FOXP1: variants seen among roughly 807,000 people sequenced by gnomAD.
The protein encoded by FOXP1 is forkhead box P1, also known as forkhead box protein P1.
In FOXP1, 15 loss-of-function variants were observed where a neutral mutation model predicts 98.2. The observed-to-expected ratio is 0.15, with a 90% CI of 0.10 to 0.24. FOXP1 has a LOEUF of 0.24. Ranked by LOEUF, FOXP1 falls within the 10% of genes least tolerant of loss-of-function variation. The probability of loss-of-function intolerance (pLI) is 1.00; values close to 1 mark genes in which losing one functional copy is unlikely to be tolerated. For synonymous variants in FOXP1, 371 were observed against 314.5 expected, an observed-to-expected ratio of 1.18 and a Z score of -1.90; for missense variants, 633 against 848.5, an observed-to-expected ratio of 0.75 and a Z score of 3.15.
intron 12 of FOXP1, among the ~76,000 whole-genome samples, chr3:71,007,471 A>G (rs549439599): frequency 6.6e-6 from 1 of 152,292 alleles, no homozygotes; most frequent in African/African-American, 2.4e-5. Context: ...ATGTATTAGC[A>G]TATACCTGGT....
rs2067178883 is a variant in FOXP1, at chr3:71,240,600, TGG to T, written c.-11-42210_-11-42209del. On this transcript the variant is annotated intron_variant, in intron 5 of 20. Transcript: ENST00000649528. Reference sequence around the variant, plus strand: ...CTCTGTCACCCAGGCTGGAGTGTAGTGGCGCGATCTCGGCTTACTGCAACCTC... The same window carrying T: ...CTCTGTCACCCAGGCTGGAGTGTAGTCGCGATCTCGGCTTACTGCAACCTC... Among the ~76,000 whole-genome samples, 4 of 152,188 alleles carry T rather than the reference TGG, an allele frequency of 2.6e-5. No individual in the cohort carries two copies. In the South Asian group the frequency reaches 8.3e-4, roughly 32 times the overall value.
chr3:71,349,684 A>G (rs1333965850), intron 4 of FOXP1, among the ~76,000 whole-genome samples: 1 of 152,230 alleles, frequency 6.6e-6, no homozygotes, highest in East Asian at 1.9e-4. Flanking sequence ...AAACATTTAT[A>G]TCAAGTAGCT....
Position 71,015,139 on chromosome 3 carries a change from T to TA in FOXP1, c.974+409dup, listed in dbSNP as rs990094602. On this transcript the variant is annotated intron_variant, in intron 12 of 20. Transcript: ENST00000649528. Reference sequence around the variant, plus strand: ...GTACCCTAGAACTTAAAGTATAATTTAAAAAAAAAAAGAAGATGACACCTC... The same window carrying TA: ...GTACCCTAGAACTTAAAGTATAATTTAAAAAAAAAAAAGAAGATGACACCTC... Among the ~76,000 whole-genome samples the TA allele has an allele frequency of 7.2e-3, 1,038 of 143,362 alleles. 9 individuals carry two copies. Among genetic ancestry groups the TA allele is most frequent in the African/African-American group, 0.024 (936 of 39,092 alleles). 94.1% of individuals were successfully genotyped at this position (143,362 alleles called of 152,430 possible).
intron 2 of FOXP1, among the ~76,000 whole-genome samples, chr3:71,533,439 T>A (rs2044025074): frequency 6.6e-6 from 1 of 152,232 alleles, no homozygotes; most frequent in Non-Finnish European, 1.5e-5. Context: ...TACTTTATTG[T>A]CAGAATACAG....
At chr3:70,990,974 C>T (rs2040509312) in intron 13 of FOXP1, among the ~76,000 whole-genome samples, 1 of 151,940 alleles carries the variant, frequency 6.6e-6, no homozygotes, top group South Asian at 2.1e-4. Context: ...AAGGGGTGTT[C>T]TGAAGATCAG....
intron 2 of FOXP1, among the ~76,000 whole-genome samples, chr3:71,577,812 T>C (rs543793847): frequency 6.6e-6 from 1 of 151,704 alleles, no homozygotes; most frequent in South Asian, 2.1e-4. Flanking sequence ...CCCCTGCAAA[T>C]AGTAAAAGTA....
chr3:71,074,876 T>G (rs566949713), intron 7 of FOXP1, among the ~76,000 whole-genome samples: 2 of 152,320 alleles, frequency 1.3e-5, no homozygotes, highest in South Asian at 4.1e-4. Context: ...ATGCATTCTT[T>G]TTGAGTTACT....
At chr3:71,092,189 C>A (rs2055937976) in intron 7 of FOXP1, among the ~76,000 whole-genome samples, 1 of 142,494 alleles carries the variant, frequency 7.0e-6, no homozygotes, top group African/African-American at 2.6e-5. Context: ...GACTCTGTCT[C>A]AGAAAAAAAA....
At chr3:71,310,684 G>A (rs1331922548) in intron 4 of FOXP1, among the ~76,000 whole-genome samples, 1 of 152,208 alleles carries the variant, frequency 6.6e-6, no homozygotes, top group Non-Finnish European at 1.5e-5. Context: ...TCTTCTGGGC[G>A]TTTCTGCCCA....
At chr3:71,112,210 C>T (rs2057998714) in intron 7 of FOXP1, among the ~76,000 whole-genome samples, 1 of 152,058 alleles carries the variant, frequency 6.6e-6, no homozygotes, top group South Asian at 2.1e-4. Context: ...CATTTCTAGA[C>T]CCAACATAAG....
chr3:71,354,989 A>G (rs1199957260), intron 4 of FOXP1, among the ~76,000 whole-genome samples: 1 of 152,240 alleles, frequency 6.6e-6, no homozygotes, highest in Admixed American at 6.5e-5. Context: ...AATATCCTTC[A>G]GGCTCAAGTG....
chr3:71,520,762 A>G (rs77339587), intron 2 of FOXP1, among the ~76,000 whole-genome samples: 1 of 152,358 alleles, frequency 6.6e-6, no homozygotes, highest in Non-Finnish European at 1.5e-5. Context: ...GTTGGCATTG[A>G]CAAGTCAATT....
At chr3:70,989,808 G>A (rs576144211) in intron 13 of FOXP1, among the ~76,000 whole-genome samples, 98 of 152,170 alleles carry the variant, frequency 6.4e-4, no homozygotes, top group African/African-American at 2.2e-3. Context: ...TTAATTTGGG[G>A]GTAAACGTTG....
At chr3:71,129,536 T>C (rs1366764510) in intron 6 of FOXP1, among the ~76,000 whole-genome samples, 1 of 152,082 alleles carries the variant, frequency 6.6e-6, no homozygotes, top group Non-Finnish European at 1.5e-5. Context: ...TCTCTTAAGA[T>C]CAAAAGAGCT....
intron 2 of FOXP1, among the ~76,000 whole-genome samples, chr3:71,502,039 G>A (rs548874389): frequency 1.0e-3 from 157 of 152,312 alleles, no homozygotes; most frequent in African/African-American, 3.7e-3. Flanking sequence ...AGGCTCTTTT[G>A]GGGAGCCAGG....
chr3:71,449,375 TAAAAG>T (rs1414203120), intron 3 of FOXP1, among the ~76,000 whole-genome samples: 6 of 152,164 alleles, frequency 3.9e-5, no homozygotes, highest in Admixed American at 1.3e-4. Context: ...AATCCGGTGT[TAAAAG>T]AAGTGAAATG....
chr3:71,444,772 A>G (rs2086260810), intron 3 of FOXP1, among the ~76,000 whole-genome samples: 1 of 152,108 alleles, frequency 6.6e-6, no homozygotes, highest in Non-Finnish European at 1.5e-5. Flanking sequence ...TACATCAGAT[A>G]AGAAGCCAAA....
intron 10 of FOXP1, among the ~76,000 whole-genome samples, chr3:71,042,880 C>T (rs2048534489): frequency 6.6e-6 from 1 of 152,134 alleles, no homozygotes; most frequent in South Asian, 2.1e-4. Flanking sequence ...CTTTACTTTG[C>T]TAAACTGTTA....
rs751098424 is a variant in FOXP1, at chr3:71,041,411, AGAG to A, written c.783_785del (p.Ser262del). 11 of 1,613,794 alleles carry A rather than the reference AGAG, an allele frequency of 6.8e-6. No homozygotes were observed. The highest frequency in any genetic ancestry group is 2.2e-5 in the South Asian group (2 of 91,094). ...TTATTAAGGAGGTCTTGGAAGGTGCAGAGGAGGAGACACATGTCGTGGTCAGAT... is the reference window on the plus strand; with the variant it reads ...TTATTAAGGAGGTCTTGGAAGGTGCAGAGGAGACACATGTCGTGGTCAGAT... On this transcript the variant is annotated inframe_deletion, in exon 11 of 21. Transcript: ENST00000649528.
Sources: gnomAD v4.1 joint callset for allele counts (sites outside exome capture counted in the v4.1 genomes callset) on GRCh38, gnomAD v4.1.1 for gene constraint, MANE v1.5 for transcripts, NCBI Gene and HGNC (gene_info 2026-07-23, HGNC 2026-07-21) for gene names.